The following CCDC60 variants were observed in gnomAD, a reference collection of about 807,000 sequenced individuals.
The protein encoded by CCDC60 is coiled-coil domain-containing protein 60.
A neutral mutation model predicts 63.5 loss-of-function variants in CCDC60; 54 were observed. The observed-to-expected ratio is 0.85, with a 90% CI of 0.68 to 1.07. The LOEUF (loss-of-function observed/expected upper bound fraction) is 1.07, where lower values mean the gene tolerates loss of function less well. Among genes scored for constraint, CCDC60 ranks in the 50% least tolerant of loss-of-function variants. CCDC60 has a pLI of 0.00. For synonymous variants in CCDC60, 206 were observed against 238.8 expected, an observed-to-expected ratio of 0.86 and a Z score of 1.27; for missense variants, 651 against 684.3, an observed-to-expected ratio of 0.95 and a Z score of 0.54.
chr12:119,393,933 T>C (rs1956205303), intron 1 of CCDC60, among the ~76,000 whole-genome samples: 1 of 152,236 alleles, frequency 6.6e-6, no homozygotes, highest in Non-Finnish European at 1.5e-5. Flanking sequence ...CACGCCATGT[T>C]TGGTGTTGTA....
chr12:119,526,263 C>A (rs1168239730), intron 11 of CCDC60, among the ~76,000 whole-genome samples: 1 of 152,132 alleles, frequency 6.6e-6, no homozygotes, highest in Non-Finnish European at 1.5e-5. Flanking sequence ...AAAATCAACT[C>A]AAGATGGATT....
chr12:119,493,309 A>T (rs1176969374), intron 5 of CCDC60, among the ~76,000 whole-genome samples: 1 of 152,020 alleles, frequency 6.6e-6, no homozygotes, highest in Non-Finnish European at 1.5e-5. Flanking sequence ...CCCCTTATGG[A>T]TTTTATAGGA....
Position 119,381,285 on chromosome 12 carries a change from C to T in CCDC60, c.90+46019C>T, listed in dbSNP as rs567956217. 1.1e-4 allele frequency among the ~76,000 whole-genome samples: 17 copies of T among 152,264 alleles called. No individual in the cohort carries two copies. The East Asian group carries it at 3.3e-3, about 29-fold the overall frequency. ...GTCTCCAGTTTCTATTCTTGGTTTG[C>T]CTTTGGCTCAATATCTCCATTAATT... On this transcript the variant is annotated intron_variant, in intron 1 of 13. Coordinates refer to ENST00000327554, the MANE Select transcript of CCDC60 (RefSeq NM_178499.5).
intron 13 of CCDC60, among the ~76,000 whole-genome samples, chr12:119,531,317 G>A (rs1371402933): frequency 6.6e-6 from 1 of 152,168 alleles, no homozygotes; most frequent in Non-Finnish European, 1.5e-5. Flanking sequence ...CAGTAATAAG[G>A]AGTCCTTTAT....
At chr12:119,369,377 G>A (rs1276561726) in intron 1 of CCDC60, among the ~76,000 whole-genome samples, 1 of 152,206 alleles carries the variant, frequency 6.6e-6, no homozygotes, top group Admixed American at 6.5e-5. Context: ...ATTCCTGGGG[G>A]ATGGGGGAAG....
intron 2 of CCDC60, among the ~76,000 whole-genome samples, chr12:119,464,300 A>ACCCC (rs150577538): frequency 1.9e-5 from 1 of 53,604 alleles, no homozygotes; most frequent in Non-Finnish European, 3.5e-5. Context: ...TGCAAGAGCA[A>ACCCC]CCCCCCCCCC....
chr12:119,478,962 C>T (rs1220941183), intron 3 of CCDC60, 132 bp from the exon 4 acceptor site: 2 of 691,778 alleles, frequency 2.9e-6, no homozygotes, highest in African/African-American at 3.6e-5. Context: ...CCTCATCCCT[C>T]CAGCAGAAAT....
intron 1 of CCDC60, among the ~76,000 whole-genome samples, chr12:119,337,321 T>A (rs141336190): frequency 2.6e-5 from 4 of 152,232 alleles, no homozygotes; most frequent in African/African-American, 9.6e-5. Context: ...AATGAACACT[T>A]CAATAGCGAG....
At chr12:119,390,396 GT>G (rs1956135420) in intron 1 of CCDC60, among the ~76,000 whole-genome samples, 1 of 152,178 alleles carries the variant, frequency 6.6e-6, no homozygotes, top group South Asian at 2.1e-4. Flanking sequence ...ATAAATGTTT[GT>G]TTAATGTCTT....
chr12:119,390,321 C>T (rs1956134124), intron 1 of CCDC60, among the ~76,000 whole-genome samples: 1 of 152,202 alleles, frequency 6.6e-6, no homozygotes, highest in African/African-American at 2.4e-5. Context: ...GTAAGCAGAT[C>T]AGGGCCCTAA....
intron 9 of CCDC60, among the ~76,000 whole-genome samples, chr12:119,520,846 T>C (rs777149579): frequency 1.3e-5 from 2 of 152,148 alleles, no homozygotes; most frequent in Admixed American, 6.5e-5. Flanking sequence ...TTAGAGAATA[T>C]TCTTAGATTC....
At chr12:119,514,144 G>A (rs951931358) in intron 7 of CCDC60, among the ~76,000 whole-genome samples, 36 of 151,898 alleles carry the variant, frequency 2.4e-4, no homozygotes, top group Non-Finnish European at 3.5e-4. Context: ...CTAGGCTAAT[G>A]CGTGTGTTTG....
rs745836865 is a variant in CCDC60 at position 119,540,690 on chromosome 12, T to C, written c.1628T>C (p.Ile543Thr). 4.2e-5 allele frequency: 67 copies of C among 1,613,698 alleles called. No homozygotes were observed. Among genetic ancestry groups the C allele is most frequent in the African/African-American group, 4.0e-4 (30 of 74,914 alleles). ...SWLQSRINIP[I>T]GPYSALR ...CTGCAGAGCCGGATCAACATACCCA[T>C]TGGGCCCTACAGCGCCCTGAGGTAG... Residue 543 changes from isoleucine (I) to threonine (T), a missense_variant, in exon 14 of 14, where the codon ATT becomes ACT. Ile to Thr is a moderately conservative substitution (Grantham distance 89). Transcript: ENST00000327554.
chr12:119,373,669 G>T (rs917215232), intron 1 of CCDC60, among the ~76,000 whole-genome samples: 4 of 91,108 alleles, frequency 4.4e-5, no homozygotes, highest in African/African-American at 1.4e-4. Context: ...GGGTGGGGTG[G>T]GGGGGGGTCT....
intron 1 of CCDC60, among the ~76,000 whole-genome samples, chr12:119,344,312 A>G (rs1955564536): frequency 6.6e-6 from 1 of 152,072 alleles, no homozygotes; most frequent in Non-Finnish European, 1.5e-5. Context: ...AGTCTTGACT[A>G]CCCTTCCCCA....
chr12:119,345,380 T>C (rs893432380), intron 1 of CCDC60, among the ~76,000 whole-genome samples: 1 of 152,108 alleles, frequency 6.6e-6, no homozygotes, highest in Non-Finnish European at 1.5e-5. Context: ...CATGTGCCTA[T>C]AATCCCAGCT....
At chr12:119,458,330 C>T (rs2136298648) in intron 2 of CCDC60, among the ~76,000 whole-genome samples, 2 of 152,346 alleles carry the variant, frequency 1.3e-5, no homozygotes, top group South Asian at 2.1e-4. Flanking sequence ...CGTCAAAGCA[C>T]TCCTGGCTTT....
intron 5 of CCDC60, 103 bp from the exon 6 acceptor site, chr12:119,499,975 A>G (rs1330050576): frequency 4.8e-6 from 4 of 837,502 alleles, no homozygotes; most frequent in African/African-American, 3.4e-5. Context: ...ATCCTAACAG[A>G]GCCCAGCCAC....
chr12:119,508,471 C>T (rs1952116354), intron 7 of CCDC60, among the ~76,000 whole-genome samples: 1 of 150,558 alleles, frequency 6.6e-6, no homozygotes. Context: ...CAAAGCAAGA[C>T]TCTGTCTCAA....
Sources: gnomAD v4.1 joint callset for allele counts (sites outside exome capture counted in the v4.1 genomes callset) on GRCh38, gnomAD v4.1.1 for gene constraint, MANE v1.5 for transcripts, NCBI Gene and HGNC (gene_info 2026-07-23, HGNC 2026-07-21) for gene names.